Variants in FAM25G observed in about 807,000 individuals in gnomAD.
FAM25G encodes family with sequence similarity 25 member G, also known as protein FAM25G.
In FAM25G, 3 loss-of-function variants were observed where a neutral mutation model predicts 6.4. The ratio of observed to expected loss-of-function variants is 0.47; its 90% CI spans 0.21 to 1.21. The LOEUF is 1.21. FAM25G is among the 50% of genes most tolerant of loss of function. FAM25G has a pLI of 0.22. For missense variants in FAM25G, 34 were observed against 76.0 expected, an observed-to-expected ratio of 0.45 and a Z score of 2.06; for synonymous variants, 15 against 31.3, an observed-to-expected ratio of 0.48 and a Z score of 1.74.
Position 47,488,508 on chromosome 10 carries a change from G to A in FAM25G, c.136+1078C>T, listed in dbSNP as rs1196121691. On this transcript the variant is annotated intron_variant, in intron 2 of 2. Coordinates refer to ENST00000452267, the MANE Select transcript of FAM25G (RefSeq NM_001137549.2). ...TTACAGGCGTGAGCCACTGCACCTG[G>A]CCTATGGTATTTTATAAGAGCAGCC... Among the ~76,000 whole-genome samples, 219 of 151,134 alleles carry A rather than the reference G, an allele frequency of 1.4e-3. 4 individuals carry two copies. Among genetic ancestry groups the A allele is most frequent in the African/African-American group, 4.9e-3 (200 of 40,750 alleles).
intron 1 of FAM25G, chr10:47,490,436 C>T (rs1840129997): frequency 6.6e-6 from 1 of 151,370 alleles, no homozygotes. Flanking sequence ...GGCGCTATCG[C>T]GAGTGTGGAG....
intron 2 of FAM25G, among the ~76,000 whole-genome samples, chr10:47,489,315 G>A (rs1417834528): frequency 1.4e-5 from 2 of 146,542 alleles, no homozygotes; most frequent in African/African-American, 5.0e-5. Flanking sequence ...ACCGCACCCT[G>A]CCATGTTAAA....
At chr10:47,488,693 C>A (rs1588938545) in intron 2 of FAM25G, among the ~76,000 whole-genome samples, 1 of 122,898 alleles carries the variant, frequency 8.1e-6, no homozygotes. Flanking sequence ...TAACATTTAA[C>A]ATAGAATTTT....
At chr10:47,489,460 A>C (rs1840108857) in intron 2 of FAM25G, 126 bp downstream of exon 2, 2 of 610,356 alleles carry the variant, frequency 3.3e-6, no homozygotes, top group African/African-American at 3.7e-5. Flanking sequence ...GCCCCAGCCA[A>C]GAGGCTCTGA....
Position 47,491,640 on chromosome 10 carries a change from C to A in FAM25G, c.35G>T (p.Gly12Val), listed in dbSNP as rs1588940137. Residue 12 changes from glycine (G) to valine (V), a missense_variant, in exon 1 of 3, where the codon GGC (glycine) becomes GTC (valine). Transcript: ENST00000452267. ...GGCCTTCTCGGTGCGGTGGGCCAGGCCCTCGGCAGCCAGCTTCCCCAGGCC... is the reference window on the plus strand; with the variant it reads ...GGCCTTCTCGGTGCGGTGGGCCAGGACCTCGGCAGCCAGCTTCCCCAGGCC... ...LGGLGKLAAE[G>V]LAHRTEKATE... 1 of 1,539,942 alleles carries A rather than the reference C, an allele frequency of 6.5e-7. No individual in the cohort carries two copies. Among genetic ancestry groups the A allele is most frequent in the Non-Finnish European group, 8.8e-7 (1 of 1,141,626 alleles).
chr10:47,488,172 G>A (rs1416376005), intron 2 of FAM25G, among the ~76,000 whole-genome samples: 13 of 131,650 alleles, frequency 9.9e-5, no homozygotes, highest in African/African-American at 3.8e-4. Context: ...CCAGGAGTGT[G>A]AGAAATAAAT....
intron 2 of FAM25G, among the ~76,000 whole-genome samples, 158 bp downstream of exon 2, chr10:47,489,428 C>T (rs1260256274): frequency 6.6e-6 from 1 of 150,564 alleles, no homozygotes; most frequent in Non-Finnish European, 1.5e-5. Flanking sequence ...CAGTCTGTGG[C>T]CTCTGATGAG....
chr10:47,488,799 C>T (rs1445574335), intron 2 of FAM25G, among the ~76,000 whole-genome samples: 1 of 131,200 alleles, frequency 7.6e-6, no homozygotes, highest in Non-Finnish European at 1.5e-5. Flanking sequence ...GCGATCTCGG[C>T]TCACTGCAAG....
chr10:47,488,712 A>ATTTTT (rs1840088979), intron 2 of FAM25G, among the ~76,000 whole-genome samples: 6 of 95,980 alleles, frequency 6.3e-5, no homozygotes, highest in African/African-American at 1.6e-4. Flanking sequence ...TTACATGTTA[A>ATTTTT]ATTTTTTTTT....
intron 2 of FAM25G, among the ~76,000 whole-genome samples, chr10:47,488,700 T>C (rs1840088459): frequency 7.1e-6 from 1 of 140,922 alleles, no homozygotes; most frequent in Non-Finnish European, 1.5e-5. Context: ...TAACATAGAA[T>C]TTTACATGTT....
rs1160121365 is a variant in FAM25G at position 47,488,713 on chromosome 10, A to ATTTTTTT, written c.136+866_136+872dup. Among the ~76,000 whole-genome samples the ATTTTTTT allele has an allele frequency of 1.2e-3, 72 of 62,128 alleles. 3 individuals carry two copies. The highest frequency in any genetic ancestry group is 1.9e-3 in the African/African-American group (27 of 14,124). 40.8% of individuals were successfully genotyped at this position (62,128 alleles called of 152,430 possible). A position where few individuals can be genotyped will look rare whatever the true frequency, so the allele number is the denominator to read the frequency against. Reference sequence around the variant, plus strand: ...TTTAACATAGAATTTTACATGTTAAATTTTTTTTTTTTTTTTTTTTTTTTT... The same window carrying ATTTTTTT: ...TTTAACATAGAATTTTACATGTTAAATTTTTTTTTTTTTTTTTTTTTTTTTTTTTTTT... On this transcript the variant is annotated intron_variant, in intron 2 of 2. Transcript: ENST00000452267.
At chr10:47,488,804 T>A (rs1212166563) in intron 2 of FAM25G, among the ~76,000 whole-genome samples, 17 of 129,668 alleles carry the variant, frequency 1.3e-4, no homozygotes, top group Non-Finnish European at 3.1e-5. Flanking sequence ...CTCGGCTCAC[T>A]GCAAGCTCCA....
intron 2 of FAM25G, among the ~76,000 whole-genome samples, chr10:47,488,910 G>A (rs1840095851): frequency 1.4e-5 from 2 of 145,600 alleles, no homozygotes; most frequent in Non-Finnish European, 3.0e-5. Context: ...TGTATTTTTA[G>A]TAGAGATGCG....
chr10:47,491,695 C>G lies in FAM25G; in HGVS notation c.-21G>C. 6.5e-7 allele frequency: 1 copy of G among 1,531,554 alleles called. No individual in the cohort carries two copies. Among genetic ancestry groups the G allele is most frequent in the Non-Finnish European group, 8.8e-7 (1 of 1,140,058 alleles). The allele number at this position is 1,531,554 out of a possible 1,614,324, so 94.9% of individuals were successfully genotyped here. On this transcript the variant is annotated 5_prime_UTR_variant, in exon 1 of 3. Coordinates refer to ENST00000452267, the MANE Select transcript of FAM25G (RefSeq NM_001137549.2). Reference sequence around the variant, plus strand: ...AGCATCGTGTGGCAGCAGACAGTGGCGAACTAGGATGCTGAGGACTGGCCC... The same window carrying G: ...AGCATCGTGTGGCAGCAGACAGTGGGGAACTAGGATGCTGAGGACTGGCCC...
chr10:47,490,079 T>G lies in FAM25G; in HGVS notation c.74-431A>C, dbSNP rs1480317231. On this transcript the variant is annotated intron_variant, in intron 1 of 2. Coordinates refer to ENST00000452267, the MANE Select transcript of FAM25G (RefSeq NM_001137549.2). The stretch of plus-strand genomic sequence containing the variant: ...ACATGAAGCCCAGGCTGGGCCTGTG[T>G]GCCAGGTCACACCCCTCTCAGGATG... Among the ~76,000 whole-genome samples the G allele has an allele frequency of 3.4e-3, 516 of 150,414 alleles. 11 individuals are homozygous for G. Among genetic ancestry groups the G allele is most frequent in the African/African-American group, 0.012 (488 of 40,290 alleles).
At chr10:47,490,656 T>C (rs1341089428) in intron 1 of FAM25G, among the ~76,000 whole-genome samples, 1 of 141,926 alleles carries the variant, frequency 7.0e-6, no homozygotes, top group East Asian at 2.1e-4. Flanking sequence ...TGAGCTTTTC[T>C]CCCAACAGGA....
chr10:47,489,260 C>T lies in FAM25G; in HGVS notation c.136+326G>A, dbSNP rs1364249771. Among the ~76,000 whole-genome samples, 695 of 142,694 alleles carry T rather than the reference C, an allele frequency of 4.9e-3. 37 individuals are homozygous for T. Among genetic ancestry groups the T allele is most frequent in the African/African-American group, 0.017 (657 of 39,234 alleles). The allele number at this position is 142,694 out of a possible 152,430, so 93.6% of individuals were successfully genotyped here. On this transcript the variant is annotated intron_variant, in intron 2 of 2. Transcript: ENST00000452267. ...GTCTCGATCTCCTGACCTCATGATC[C>T]GCCCTCCTCAGCCTCCCAAAGTGCT...
chr10:47,487,871 T>G (rs1840074728), intron 2 of FAM25G, among the ~76,000 whole-genome samples: 1 of 150,646 alleles, frequency 6.6e-6, no homozygotes, highest in Admixed American at 6.6e-5. Flanking sequence ...GTTCTAAAGA[T>G]TCTCCCCTCT....
intron 1 of FAM25G, chr10:47,490,441 GT>G (rs1677572715): frequency 6.6e-6 from 1 of 151,966 alleles, no homozygotes; most frequent in South Asian, 2.1e-4. Context: ...TATCGCGAGT[GT>G]GGAGGCTGCG....
Sources: allele counts gnomAD v4.1 joint callset (sites outside exome capture counted in the v4.1 genomes callset), GRCh38; gene constraint gnomAD v4.1.1; transcripts MANE v1.5; gene names NCBI Gene and HGNC (gene_info 2026-07-23, HGNC 2026-07-21).